NAMPT: variants seen among roughly 807,000 people sequenced by gnomAD.
NAMPT encodes the protein NAmPRTase.
In NAMPT, 7 loss-of-function variants were observed where a neutral mutation model predicts 58.7. The observed-to-expected ratio is 0.12, with a 90% confidence interval of 0.07 to 0.22. NAMPT has a LOEUF of 0.22. Ranked by LOEUF, NAMPT falls within the 10% of genes least tolerant of loss-of-function variation. The pLI, the probability that NAMPT is intolerant of heterozygous loss-of-function variation, is 1.00. For missense variants in NAMPT, 271 were observed against 567.9 expected, an observed-to-expected ratio of 0.48 and a Z score of 5.31; for synonymous variants, 145 against 198.1, an observed-to-expected ratio of 0.73 and a Z score of 2.25.
intron 7 of NAMPT, 143 bp from the exon 8 acceptor site, chr7:106,261,850 C>G: frequency 1.2e-6 from 1 of 833,536 alleles, no homozygotes. Context: ...TATGTATATG[C>G]TCTCTAAAAT....
intron 1 of NAMPT, among the ~76,000 whole-genome samples, chr7:106,280,237 G>A (rs1043290650): frequency 5.9e-5 from 9 of 152,150 alleles, no homozygotes; most frequent in East Asian, 1.9e-4. Context: ...GGGGAACTAC[G>A]CCGATAAATT....
chr7:106,267,876 A>AAAAAAAACAAAAAAAAAC (rs1189395299), intron 6 of NAMPT, among the ~76,000 whole-genome samples: 5 of 130,394 alleles, frequency 3.8e-5, no homozygotes, highest in Non-Finnish European at 8.4e-5. Flanking sequence ...AAAAAAAAAA[A>AAAAAAAACAAAAAAAAAC]CAACCTGATT....
intron 4 of NAMPT, among the ~76,000 whole-genome samples, chr7:106,271,648 C>A (rs1792536741): frequency 1.3e-5 from 2 of 151,990 alleles, no homozygotes; most frequent in South Asian, 4.1e-4. Context: ...TATTAATTTC[C>A]TGTCAACTTA....
rs1404027446 is a variant in NAMPT at position 106,260,073 on chromosome 7, A to C, written c.1089+1515T>G. Among the ~76,000 whole-genome samples, 4 of 152,272 alleles carry C rather than the reference A, an allele frequency of 2.6e-5. No individual in the cohort carries two copies. In the East Asian group the frequency reaches 7.7e-4, roughly 29 times the overall value. ...TAAATGAGCACTAGCTTCCACTTAAAAGTGACCAGCTGCATTATCCACTAA... is the reference window on the plus strand; with the variant it reads ...TAAATGAGCACTAGCTTCCACTTAACAGTGACCAGCTGCATTATCCACTAA... On this transcript the variant is annotated intron_variant, in intron 8 of 10. Coordinates refer to ENST00000222553, the MANE Select transcript of NAMPT (RefSeq NM_005746.3).
intron 2 of NAMPT, chr7:106,276,398 A>T (rs1323441751): frequency 2.0e-5 from 3 of 152,264 alleles, no homozygotes; most frequent in African/African-American, 7.2e-5. Context: ...CTTCAAGGTA[A>T]AACTGGCTAA....
chr7:106,263,025 G>T, intron 7 of NAMPT: 1 of 213,418 alleles, frequency 4.7e-6, no homozygotes, highest in South Asian at 8.4e-5. Context: ...TTTCTTCTGT[G>T]CTAACAACTT....
intron 8 of NAMPT, among the ~76,000 whole-genome samples, chr7:106,255,878 TATAGAGAAAA>T (rs1792189995): frequency 6.6e-6 from 1 of 152,122 alleles, no homozygotes; most frequent in African/African-American, 2.4e-5. Flanking sequence ...TAAGGTAAAA[TATAGAGAAAA>T]TAGTTTCTGA....
At chr7:106,261,126 T>C (rs1257984299) in intron 8 of NAMPT, among the ~76,000 whole-genome samples, 11 of 152,330 alleles carry the variant, frequency 7.2e-5, no homozygotes, top group South Asian at 6.2e-4. Context: ...ATAACACTTA[T>C]ACTATCTGGC....
At chr7:106,284,614 G>C (rs1792831347) in intron 1 of NAMPT, 1 of 342,522 alleles carries the variant, frequency 2.9e-6, no homozygotes, top group Non-Finnish European at 4.3e-6. Flanking sequence ...CCACCGCCCA[G>C]CCCTCCATCC....
At chr7:106,255,203 C>G (rs763373226) in intron 8 of NAMPT, among the ~76,000 whole-genome samples, 1 of 152,172 alleles carries the variant, frequency 6.6e-6, no homozygotes, top group Non-Finnish European at 1.5e-5. Context: ...AAGGGACATA[C>G]AACTTTAAAG....
At position 106,273,823 on chromosome 7, in the gene NAMPT, T is replaced by C. The variant is rs138099698; in HGVS notation, c.318+1123A>G. ...AAAAGTGCAGCACAGAGTACTTACCTGACTTTTTCAAGACCCATAAGTACC... is the reference window on the plus strand; with the variant it reads ...AAAAGTGCAGCACAGAGTACTTACCCGACTTTTTCAAGACCCATAAGTACC... On this transcript the variant is annotated intron_variant, in intron 3 of 10. Coordinates refer to ENST00000222553, the MANE Select transcript of NAMPT (RefSeq NM_005746.3). Among the ~76,000 whole-genome samples the C allele has an allele frequency of 2.8e-3, 425 of 152,248 alleles. 4 individuals carry two copies. Among genetic ancestry groups the C allele is most frequent in the African/African-American group, 9.7e-3 (405 of 41,540 alleles).
intron 6 of NAMPT, among the ~76,000 whole-genome samples, chr7:106,267,945 T>TTCTTGGGTA (rs1370977583): frequency 6.6e-6 from 1 of 151,024 alleles, no homozygotes; most frequent in Non-Finnish European, 1.5e-5. Flanking sequence ...TGTAATTTCT[T>TTCTTGGGTA]TCTTGGGTAA....
chr7:106,283,896 T>C (rs1031281195), intron 1 of NAMPT, among the ~76,000 whole-genome samples: 2 of 152,310 alleles, frequency 1.3e-5, no homozygotes, highest in East Asian at 3.9e-4. Context: ...GTTTTACCAC[T>C]GTATTCCAAA....
At chr7:106,274,840 G>A in intron 3 of NAMPT, 106 bp downstream of exon 3, 1 of 709,824 alleles carries the variant, frequency 1.4e-6, no homozygotes, top group South Asian at 1.7e-5. Flanking sequence ...GGGTGACAGA[G>A]TGACACTTTC....
chr7:106,281,239 G>A (rs74371608), intron 1 of NAMPT, among the ~76,000 whole-genome samples: 5,810 of 151,796 alleles, frequency 0.038, 136 homozygotes, highest in Middle Eastern at 0.12. Flanking sequence ...TATGAGATAT[G>A]ACACATATAT....
At chr7:106,275,534 T>C (rs1369291145) in intron 2 of NAMPT, 1 of 152,818 alleles carries the variant, frequency 6.5e-6, no homozygotes, top group East Asian at 1.9e-4. Flanking sequence ...AAAAGTCGAG[T>C]ACCCACTTAT....
intron 6 of NAMPT, 42 bp from the exon 7 acceptor site, chr7:106,263,659 C>T (rs1479415318): frequency 7.0e-7 from 1 of 1,419,986 alleles, no homozygotes; most frequent in African/African-American, 1.4e-5. Context: ...TAGGCAGACA[C>T]TTGATCTATC....
chr7:106,261,581 C>T lies in NAMPT; in HGVS notation c.1089+7G>A. On this transcript the variant is annotated splice_region_variant and intron_variant, in intron 8 of 10. Transcript: ENST00000222553. ...CCTTATTGAAACTTTTAATATAAAACACATACCTCTTGTAAGGTATTAATA... is the reference window on the plus strand; with the variant it reads ...CCTTATTGAAACTTTTAATATAAAATACATACCTCTTGTAAGGTATTAATA... The T allele has an allele frequency of 6.5e-7, 1 of 1,546,604 alleles. No homozygotes were observed.
intron 1 of NAMPT, among the ~76,000 whole-genome samples, chr7:106,281,081 T>A (rs1321172726): frequency 6.6e-6 from 1 of 150,798 alleles, no homozygotes; most frequent in Non-Finnish European, 1.5e-5. Flanking sequence ...GGTATTATTT[T>A]AATGCCTAGA....
Sources: gnomAD v4.1 joint callset for allele counts (sites outside exome capture counted in the v4.1 genomes callset) on GRCh38, gnomAD v4.1.1 for gene constraint, MANE v1.5 for transcripts, NCBI Gene and HGNC (gene_info 2026-07-23, HGNC 2026-07-21) for gene names.